FREM1: variants seen among roughly 807,000 people sequenced by gnomAD.
The protein encoded by FREM1 is FRAS1 related extracellular matrix 1.
Under a neutral mutation model 210.1 loss-of-function variants are expected in FREM1, and 220 were observed. That is an observed-to-expected ratio of 1.05 (90% CI 0.94 to 1.17). The LOEUF (loss-of-function observed/expected upper bound fraction) is 1.17. FREM1 is among the 50% of genes most tolerant of loss of function. The pLI, the probability that FREM1 is intolerant of heterozygous loss-of-function variation, is 0.00. For synonymous variants in FREM1, 1,189 were observed against 980.2 expected (o/e 1.21, Z -3.98); for missense variants, 3,454 against 2,675.5 (o/e 1.29, Z -6.42).
At position 14,780,433 on chromosome 9, in the gene FREM1, G is replaced by GAAAAAAAAAAAAAAAAAAAAAAAAA. The variant is rs58017285; in HGVS notation, c.4442+3936_4442+3937insTTTTTTTTTTTTTTTTTTTTTTTTT. Among the ~76,000 whole-genome samples, 18 of 81,546 alleles carry GAAAAAAAAAAAAAAAAAAAAAAAAA rather than the reference G, an allele frequency of 2.2e-4. 4 individuals are homozygous for GAAAAAAAAAAAAAAAAAAAAAAAAA. The highest frequency in any genetic ancestry group is 9.2e-4 in the South Asian group (2 of 2,166). The allele number at this position is 81,546 out of a possible 152,430, so 53.5% of individuals were successfully genotyped here. On this transcript the variant is annotated intron_variant, in intron 24 of 36. Coordinates refer to ENST00000380880, the MANE Select transcript of FREM1 (RefSeq NM_001379081.2). ...AATCATAAATAGCGCCAGCTCCTCA[G>GAAAAAAAAAAAAAAAAAAAAAAAAA]AAAAAAAAAAAAAAAAAGTCCAGCC...
intron 3 of FREM1, among the ~76,000 whole-genome samples, chr9:14,861,620 C>T (rs917179776): frequency 3.3e-5 from 5 of 150,846 alleles, no homozygotes; most frequent in Admixed American, 3.3e-4. Context: ...GATTCTCCTG[C>T]CTTAGCCTCC....
At chr9:14,906,931 G>C (rs1323629738) in intron 1 of FREM1, among the ~76,000 whole-genome samples, 1 of 152,206 alleles carries the variant, frequency 6.6e-6, no homozygotes, top group Non-Finnish European at 1.5e-5. Context: ...ATAAACCTGA[G>C]AGTGAAAAGT....
At chr9:14,776,898 C>T (rs749858102) in intron 24 of FREM1, among the ~76,000 whole-genome samples, 1 of 152,168 alleles carries the variant, frequency 6.6e-6, no homozygotes, top group Non-Finnish European at 1.5e-5. Flanking sequence ...ACATGTGCTT[C>T]TGCACTTTCT....
intron 10 of FREM1, among the ~76,000 whole-genome samples, chr9:14,837,287 T>C (rs181814225): frequency 1.4e-4 from 22 of 152,298 alleles, no homozygotes; most frequent in East Asian, 1.3e-3. Context: ...CCTCTGCATA[T>C]ATACCTGGCT....
chr9:14,828,060 C>G (rs1822814698), intron 10 of FREM1, among the ~76,000 whole-genome samples: 2 of 152,234 alleles, frequency 1.3e-5, no homozygotes, highest in Admixed American at 6.5e-5. Context: ...CTGCTGCAGA[C>G]AGTACCCACT....
chr9:14,903,454 G>C (rs1839133471), intron 1 of FREM1, among the ~76,000 whole-genome samples: 1 of 152,074 alleles, frequency 6.6e-6, no homozygotes, highest in Admixed American at 6.5e-5. Context: ...ATGTTAAAAG[G>C]GGCTATTTTA....
At chr9:14,797,046 A>G (rs1034770467) in intron 21 of FREM1, among the ~76,000 whole-genome samples, 1 of 152,340 alleles carries the variant, frequency 6.6e-6, no homozygotes, top group African/African-American at 2.4e-5. Context: ...TAATGAAAGA[A>G]GTGGGTTGAT....
Position 14,861,502 on chromosome 9 carries a change from CCTTTTT to C in FREM1, c.330-2024_330-2019del, listed in dbSNP as rs1265707800. Reference sequence around the variant, plus strand: ...ATTGAGCATTCCCTCAAGCATTTATCCTTTTTTTTTTTTTTTTTTTTTGAGACAGAG... The same window carrying C: ...ATTGAGCATTCCCTCAAGCATTTATCTTTTTTTTTTTTTTTTGAGACAGAG... On this transcript the variant is annotated intron_variant, in intron 3 of 36. Transcript: ENST00000380880. Among the ~76,000 whole-genome samples the C allele has an allele frequency of 6.5e-5, 9 of 138,978 alleles. No homozygotes were observed. In the South Asian group the frequency reaches 1.1e-3, roughly 17 times the overall value. 91.2% of individuals were successfully genotyped at this position (138,978 alleles called of 152,430 possible). A position where few individuals can be genotyped will look rare whatever the true frequency, so the allele number is the denominator to read the frequency against.
At chr9:14,894,839 T>A (rs1161268156) in intron 1 of FREM1, among the ~76,000 whole-genome samples, 1 of 152,242 alleles carries the variant, frequency 6.6e-6, no homozygotes, top group Non-Finnish European at 1.5e-5. Context: ...GCAATAAGAA[T>A]CTGTTTTCTT....
At chr9:14,764,073 TG>T (rs1291221369) in intron 27 of FREM1, among the ~76,000 whole-genome samples, 1 of 152,142 alleles carries the variant, frequency 6.6e-6, no homozygotes, top group Non-Finnish European at 1.5e-5. Context: ...AACTGAATCA[TG>T]GGGGTGGTTT....
chr9:14,746,637 C>T (rs183638134), intron 34 of FREM1, among the ~76,000 whole-genome samples, 169 bp from the exon 35 acceptor site: 2 of 152,200 alleles, frequency 1.3e-5, no homozygotes, highest in African/African-American at 4.8e-5. Flanking sequence ...TGGCTTCTTA[C>T]AGAAAACACT....
At chr9:14,777,497 A>C (rs542270608) in intron 24 of FREM1, among the ~76,000 whole-genome samples, 31 of 152,346 alleles carry the variant, frequency 2.0e-4, no homozygotes, top group Non-Finnish European at 4.0e-4. Context: ...CATGTACCAT[A>C]GTTGCTGGAA....
At chr9:14,798,776 C>T (rs574448102) in intron 20 of FREM1, among the ~76,000 whole-genome samples, 6 of 152,098 alleles carry the variant, frequency 3.9e-5, no homozygotes, top group South Asian at 2.1e-4. Flanking sequence ...TGGGTTCAAG[C>T]GATTCTCATG....
At chr9:14,802,674 A>G (rs1817505581) in intron 19 of FREM1, among the ~76,000 whole-genome samples, 3 of 152,216 alleles carry the variant, frequency 2.0e-5, no homozygotes, top group African/African-American at 7.2e-5. Context: ...GAGAACAAAA[A>G]AGTATTTCTG....
rs1212370039 is a variant in FREM1 at position 14,842,627 on chromosome 9, AG to A, written c.1426del (p.Leu476SerfsTer50). ...GKGFLFTVAD[L>X]QAGVVRYHHD... ...ATGATAGCGAACAACTCCAGCCTGGAGGTCAGCCACGGTGAAGAGAAACCCT... is the reference window on the plus strand; with the variant it reads ...ATGATAGCGAACAACTCCAGCCTGGAGTCAGCCACGGTGAAGAGAAACCCT... On this transcript the variant is annotated frameshift_variant, in exon 9 of 37. Transcript: ENST00000380880. LOFTEE classifies it high-confidence loss of function. The A allele has an allele frequency of 3.7e-6, 6 of 1,613,810 alleles. No individual in the cohort carries two copies. The highest frequency in any genetic ancestry group is 5.1e-6 in the Non-Finnish European group (6 of 1,179,796).
At chr9:14,903,805 C>T in intron 1 of FREM1, among the ~76,000 whole-genome samples, 1 of 151,546 alleles carries the variant, frequency 6.6e-6, no homozygotes, top group Non-Finnish European at 1.5e-5. Context: ...ACATTGATAT[C>T]TTTGAGCTCT....
At chr9:14,848,118 G>C (rs1827024647) in intron 7 of FREM1, among the ~76,000 whole-genome samples, 2 of 152,172 alleles carry the variant, frequency 1.3e-5, no homozygotes, top group South Asian at 4.1e-4. Flanking sequence ...GATGGGATCA[G>C]TGAGAAGGAA....
At chr9:14,886,890 T>A (rs1038244609) in intron 1 of FREM1, among the ~76,000 whole-genome samples, 2 of 121,914 alleles carry the variant, frequency 1.6e-5, no homozygotes, top group Admixed American at 8.3e-5. Flanking sequence ...AGTGAGACCT[T>A]GTTTCAAAAA....
At chr9:14,773,222 T>G (rs769747704) in intron 25 of FREM1, among the ~76,000 whole-genome samples, 3 of 152,220 alleles carry the variant, frequency 2.0e-5, no homozygotes, top group Non-Finnish European at 2.9e-5. Context: ...AAGTACAGGT[T>G]GCATCAGTTG....
Sources: allele counts gnomAD v4.1 joint callset (sites outside exome capture counted in the v4.1 genomes callset), GRCh38; gene constraint gnomAD v4.1.1; transcripts MANE v1.5; gene names NCBI Gene and HGNC (gene_info 2026-07-23, HGNC 2026-07-21).